PACS1: variants seen among roughly 807,000 people sequenced by gnomAD.
The protein encoded by PACS1 is PACS-1.
In PACS1, 24 loss-of-function variants were observed where a neutral mutation model predicts 115.0. The observed-to-expected ratio is 0.21, with a 90% CI of 0.15 to 0.29. PACS1 has a LOEUF of 0.29. Among genes scored for constraint, PACS1 ranks in the 10% least tolerant of loss-of-function variants. The pLI is 1.00. For missense variants in PACS1, 838 were observed against 1,251.2 expected, an observed-to-expected ratio of 0.67 and a Z score of 4.98; for synonymous variants, 453 against 504.5, an observed-to-expected ratio of 0.90 and a Z score of 1.37.
chr11:66,220,394 C>T, intron 8 of PACS1: 1 of 524,618 alleles, frequency 1.9e-6, no homozygotes, highest in Non-Finnish European at 3.4e-6. Flanking sequence ...AGCTGTCCCT[C>T]CTGGCACAGC....
chr11:66,114,433 A>AAG (rs1479997435), intron 1 of PACS1, among the ~76,000 whole-genome samples: 1 of 150,540 alleles, frequency 6.6e-6, no homozygotes, highest in Non-Finnish European at 1.5e-5. Context: ...AAAAAAAAAA[A>AAG]GTACCTTGGG....
chr11:66,070,492 G>A lies in PACS1; in HGVS notation c.6G>A (p.Ala2=). The change falls in exon 1 of 24, where the codon GCG becomes GCA. Residue 2 remains alanine (A), a synonymous_variant. Transcript: ENST00000320580. The surrounding 1 kb of genome is among the most constrained non-coding windows in gnomAD (Gnocchi z 5.9). M[A]ERGGAGGGPG... ...AACCCCCGCCTAGCCGGGCCATGGC[G>A]GAACGCGGAGGGGCGGGCGGTGGTC... The A allele has an allele frequency of 3.1e-6, 4 of 1,287,084 alleles. No individual in the cohort carries two copies. The highest frequency in any genetic ancestry group is 4.3e-5 in the Admixed American group (1 of 23,436). 79.7% of individuals were successfully genotyped at this position (1,287,084 alleles called of 1,614,324 possible). A position where few individuals can be genotyped will look rare whatever the true frequency, so the allele number is the denominator to read the frequency against.
At chr11:66,146,004 A>G (rs1386151536) in intron 1 of PACS1, among the ~76,000 whole-genome samples, 1 of 152,260 alleles carries the variant, frequency 6.6e-6, no homozygotes, top group Non-Finnish European at 1.5e-5. Context: ...AACACACGTG[A>G]AAAATTACAG....
intron 1 of PACS1, among the ~76,000 whole-genome samples, chr11:66,081,242 GAAAA>G (rs898639269): frequency 1.9e-4 from 29 of 151,318 alleles, no homozygotes; most frequent in African/African-American, 6.3e-4. Flanking sequence ...CAAAAAAAAA[GAAAA>G]AAGAAAGAAA....
chr11:66,152,456 A>G (rs1249407377), intron 1 of PACS1, among the ~76,000 whole-genome samples: 3 of 152,228 alleles, frequency 2.0e-5, no homozygotes, highest in African/African-American at 7.2e-5. Context: ...GGCAAAAAAC[A>G]ATATTTGAAG....
At chr11:66,230,253 TC>T (rs1403057479) in intron 11 of PACS1, 1 of 392,120 alleles carries the variant, frequency 2.6e-6, no homozygotes, top group East Asian at 5.0e-5. Flanking sequence ...GGTCCCCTCT[TC>T]ACTCCTGGAG....
In PACS1 at chr11:66,169,706, TGCCCG is replaced by T. The variant is rs1167845340; in HGVS notation, c.357-23777_357-23773del. Among the ~76,000 whole-genome samples the T allele has an allele frequency of 1.1e-4, 17 of 150,008 alleles. 3 individuals are homozygous for T. Among genetic ancestry groups the T allele is most frequent in the African/African-American group, 4.3e-4 (17 of 39,478 alleles). ...CTGGGATTACAGGTGTGAGTCACTG[TGCCCG>T]GCTATTTTTTAAATACATTATTTGT... On this transcript the variant is annotated intron_variant, in intron 1 of 23. Coordinates refer to ENST00000320580, the MANE Select transcript of PACS1 (RefSeq NM_018026.4).
At position 66,238,806 on chromosome 11, in the gene PACS1, G is replaced by A. The variant is rs558200737; in HGVS notation, c.2253G>A (p.Val751=). The change falls in exon 20 of 24, where the codon GTG becomes GTA. Residue 751 remains valine, a splice_region_variant and synonymous_variant. Coordinates refer to ENST00000320580, the MANE Select transcript of PACS1 (RefSeq NM_018026.4). Reference sequence around the variant, plus strand: ...GAGTGCCTCTTCTCTCCTTGCAGGTGGTGAAGGTGGGTCTGGTTGAAGACT... The same window carrying A: ...GAGTGCCTCTTCTCTCCTTGCAGGTAGTGAAGGTGGGTCTGGTTGAAGACT... The part of the protein sequence containing the change: ...SYQKFIPFIG[V]VKVGLVEDSP... 3.8e-6 allele frequency: 6 copies of A among 1,587,416 alleles called. No individual in the cohort carries two copies. The Admixed American group carries it at 5.3e-5, about 14-fold the overall frequency.
rs180978658 is a variant in PACS1, at chr11:66,189,038, A to T, written c.357-4448A>T. Among the ~76,000 whole-genome samples the T allele has an allele frequency of 2.6e-5, 4 of 152,260 alleles. No individual in the cohort carries two copies. In the East Asian group the frequency reaches 7.7e-4, roughly 29 times the overall value. On this transcript the variant is annotated intron_variant, in intron 1 of 23. Coordinates refer to ENST00000320580, the MANE Select transcript of PACS1 (RefSeq NM_018026.4). ...CATTTTCTTAACTTCCAGCATCCGT[A>T]TCTGTAAAATAGGTATAATACCCAC...
rs1410260836 is a variant in PACS1 at position 66,210,350 on chromosome 11, T to A, written c.445-12T>A. ...TGCACCTGGCCAAACAGACTTTTCT[T>A]CTTGGTTTCAGGGTTCAAAAAGAAT... On this transcript the variant is annotated splice_polypyrimidine_tract_variant and intron_variant, in intron 2 of 23. Transcript: ENST00000320580. 1 of 1,611,494 alleles carries A rather than the reference T, an allele frequency of 6.2e-7. No homozygotes were observed. The highest frequency in any genetic ancestry group is 8.5e-7 in the Non-Finnish European group (1 of 1,177,604).
At chr11:66,203,872 TAACTC>T (rs148432609) in intron 2 of PACS1, among the ~76,000 whole-genome samples, 60,122 of 151,528 alleles carry the variant, frequency 0.4, 12,896 homozygotes, top group Non-Finnish European at 0.48. Flanking sequence ...ACTGGAGACT[TAACTC>T]TAATACCTGA....
intron 1 of PACS1, among the ~76,000 whole-genome samples, chr11:66,164,296 A>G (rs950563124): frequency 3.9e-5 from 6 of 152,054 alleles, no homozygotes; most frequent in African/African-American, 1.4e-4. Flanking sequence ...GGAGATACAG[A>G]TCAACTCCTG....
Position 66,151,043 on chromosome 11 carries a change from CAA to C in PACS1, c.357-42442_357-42441del, listed in dbSNP as rs558458801. ...AAAGTTCAGGGGGGAATCCTGGAAA[CAA>C]GAGAGGACTACAGAAAGGGGGAGGC... On this transcript the variant is annotated intron_variant, in intron 1 of 23. Coordinates refer to ENST00000320580, the MANE Select transcript of PACS1 (RefSeq NM_018026.4). Among the ~76,000 whole-genome samples the C allele has an allele frequency of 1.7e-3, 262 of 152,080 alleles. 2 individuals are homozygous for C. Among genetic ancestry groups the C allele is most frequent in the Non-Finnish European group, 2.4e-3 (164 of 67,992 alleles).
intron 3 of PACS1, among the ~76,000 whole-genome samples, 178 bp downstream of exon 3, chr11:66,210,629 A>C (rs1474615628): frequency 2.0e-5 from 3 of 152,226 alleles, no homozygotes; most frequent in African/African-American, 7.2e-5. Flanking sequence ...CCCTTTAGCC[A>C]GTGACGGTAA....
At chr11:66,207,830 TATG>T (rs1854978429) in intron 2 of PACS1, among the ~76,000 whole-genome samples, 1 of 152,154 alleles carries the variant, frequency 6.6e-6, no homozygotes, top group Non-Finnish European at 1.5e-5. Context: ...AGTGCAATGA[TATG>T]ATCTTGGCTT....
intron 1 of PACS1, among the ~76,000 whole-genome samples, chr11:66,191,917 G>A (rs1333604405): frequency 6.6e-6 from 1 of 152,054 alleles, no homozygotes; most frequent in Non-Finnish European, 1.5e-5. Context: ...CAGCTACCCA[G>A]GAGGCTGAGG....
intron 1 of PACS1, among the ~76,000 whole-genome samples, chr11:66,168,814 C>G (rs1859670930): frequency 6.8e-6 from 1 of 147,400 alleles, no homozygotes; most frequent in Admixed American, 6.7e-5. Context: ...TTTAATTTTA[C>G]ATTTTTAAAT....
intron 1 of PACS1, among the ~76,000 whole-genome samples, chr11:66,192,344 C>T (rs1241462000): frequency 6.6e-6 from 1 of 152,194 alleles, no homozygotes; most frequent in Non-Finnish European, 1.5e-5. Context: ...ACATCACAGA[C>T]TTTGCAAGGC....
intron 1 of PACS1, among the ~76,000 whole-genome samples, chr11:66,088,942 C>T (rs912788602): frequency 6.6e-6 from 1 of 152,086 alleles, no homozygotes; most frequent in Non-Finnish European, 1.5e-5. Flanking sequence ...GTATTCTGTA[C>T]TTTTCTTTAG....
Sources: gnomAD v4.1 joint callset for allele counts (sites outside exome capture counted in the v4.1 genomes callset) on GRCh38, gnomAD v4.1.1 for gene constraint, Gnocchi (gnomAD v3.1) non-coding constraint, MANE v1.5 for transcripts, NCBI Gene and HGNC (gene_info 2026-07-23, HGNC 2026-07-21) for gene names.